Variants in FNBP1 observed in about 807,000 individuals in gnomAD.
FNBP1 encodes the protein formin-binding protein 1.
A neutral mutation model predicts 90.6 loss-of-function variants in FNBP1; 26 were observed. The ratio of observed to expected loss-of-function variants is 0.29; its 90% CI spans 0.21 to 0.40. The LOEUF (loss-of-function observed/expected upper bound fraction) is 0.40, where lower values mean the gene tolerates loss of function less well. Ranked by LOEUF, FNBP1 falls within the 10% of genes least tolerant of loss-of-function variation. The pLI, the probability that FNBP1 is intolerant of heterozygous loss-of-function variation, is 1.00. For missense variants in FNBP1, 635 were observed against 768.0 expected, an observed-to-expected ratio of 0.83 and a Z score of 2.05; for synonymous variants, 260 against 265.2, an observed-to-expected ratio of 0.98 and a Z score of 0.19.
chr9:129,922,545 G>A (rs1303145755), intron 10 of FNBP1, among the ~76,000 whole-genome samples: 33 of 152,148 alleles, frequency 2.2e-4, no homozygotes, highest in Admixed American at 2.2e-3. Context: ...GCTTCATAGG[G>A]TGGCTGGAAA....
chr9:129,949,695 C>A (rs2045874178), intron 6 of FNBP1, among the ~76,000 whole-genome samples: 1 of 150,788 alleles, frequency 6.6e-6, no homozygotes, highest in Non-Finnish European at 1.5e-5. Context: ...ACCTCGATCA[C>A]CACAAAAAGT....
intron 6 of FNBP1, among the ~76,000 whole-genome samples, chr9:129,943,990 C>T (rs544561143): frequency 0.24 from 62 of 258 alleles, no homozygotes; most frequent in Non-Finnish European, 0.31. Context: ...GAGACTCCAT[C>T]TCAAAAAAAA....
At chr9:129,961,625 T>C (rs550314406) in intron 4 of FNBP1, among the ~76,000 whole-genome samples, 1 of 152,264 alleles carries the variant, frequency 6.6e-6, no homozygotes, top group South Asian at 2.1e-4. Context: ...TGGAGGACAG[T>C]GGCGTGATCT....
intron 1 of FNBP1, among the ~76,000 whole-genome samples, chr9:130,003,923 C>CAAAAAAAAAA (rs545865153): frequency 0.11 from 12,005 of 109,982 alleles, 1,284 homozygotes; most frequent in Middle Eastern, 0.19. Flanking sequence ...GACTCCGCCT[C>CAAAAAAAAAA]AAAAAAAAAA....
chr9:129,929,431 AAAAAT>A, intron 7 of FNBP1, 131 bp downstream of exon 7: 3 of 821,650 alleles, frequency 3.7e-6, no homozygotes, highest in Admixed American at 2.9e-5. Context: ...AAAAAAAAAA[AAAAAT>A]TAGTGGAAAT....
chr9:130,002,549 C>A (rs1319834631), intron 1 of FNBP1, among the ~76,000 whole-genome samples: 1 of 152,206 alleles, frequency 6.6e-6, no homozygotes, highest in Non-Finnish European at 1.5e-5. Flanking sequence ...GCCACGTGAC[C>A]TCTGCCATGC....
intron 4 of FNBP1, among the ~76,000 whole-genome samples, chr9:129,973,250 G>A (rs1489683603): frequency 1.3e-5 from 2 of 152,100 alleles, no homozygotes; most frequent in Non-Finnish European, 2.9e-5. Context: ...GTGGGAAGGC[G>A]ACTGAGTCTG....
intron 4 of FNBP1, among the ~76,000 whole-genome samples, chr9:129,978,110 T>A (rs2050632576): frequency 6.6e-6 from 1 of 151,964 alleles, no homozygotes; most frequent in Admixed American, 6.6e-5. Context: ...AACCTCCGCC[T>A]CCCAGGTTCA....
At chr9:130,016,076 C>A (rs1040190407) in intron 1 of FNBP1, among the ~76,000 whole-genome samples, 1 of 152,120 alleles carries the variant, frequency 6.6e-6, no homozygotes, top group African/African-American at 2.4e-5. Flanking sequence ...TTTGCATAAA[C>A]TTCTTATATA....
rs149342303 is a variant in FNBP1, at chr9:129,894,440, A to G, written c.1846+1398T>C. Among the ~76,000 whole-genome samples, 50 of 152,362 alleles carry G rather than the reference A, an allele frequency of 3.3e-4. No homozygotes were observed. The East Asian group carries it at 4.0e-3, about 12-fold the overall frequency. On this transcript the variant is annotated intron_variant, in intron 16 of 16. Transcript: ENST00000446176. Reference sequence around the variant, plus strand: ...TATAAAATGAGCCAGAAATTCTAAAATAATTTCCAGTAAATCCAAACCTTG... The same window carrying G: ...TATAAAATGAGCCAGAAATTCTAAAGTAATTTCCAGTAAATCCAAACCTTG...
rs1344506679 is a variant in FNBP1 at position 130,040,059 on chromosome 9, A to G, written c.24+2893T>C. Among the ~76,000 whole-genome samples the G allele has an allele frequency of 5.9e-5, 9 of 152,012 alleles. No individual in the cohort carries two copies. In the South Asian group the frequency reaches 1.7e-3, roughly 28 times the overall value. ...ATTCCAAAGCCACCATTCAAGGAAA[A>G]CCCTTAATCACTGCCCTCCGCTGGG... On this transcript the variant is annotated intron_variant, in intron 1 of 16. Coordinates refer to ENST00000446176, the MANE Select transcript of FNBP1 (RefSeq NM_015033.3).
chr9:130,004,493 C>A (rs1316574942), intron 1 of FNBP1, among the ~76,000 whole-genome samples: 8 of 152,116 alleles, frequency 5.3e-5, no homozygotes, highest in Non-Finnish European at 1.2e-4. Context: ...TCTGTGCTAT[C>A]TAGACTGCTA....
chr9:129,887,519 G>A lies in FNBP1; in HGVS notation c.*3020C>T, dbSNP rs917281525. 1.9e-4 allele frequency: 39 copies of A among 206,210 alleles called. No homozygotes were observed. The Admixed American group carries it at 2.2e-3, about 12-fold the overall frequency. 12.8% of individuals were successfully genotyped at this position (206,210 alleles called of 1,614,324 possible). On this transcript the variant is annotated 3_prime_UTR_variant, in exon 17 of 17. Coordinates refer to ENST00000446176, the MANE Select transcript of FNBP1 (RefSeq NM_015033.3). ...TTCTGGAAAAACACTTAGCATGAAC[G>A]TCACTTTTTGACGTCGTGTAAACTT...
At chr9:130,047,192 A>T (rs1030428140), upstream of FNBP1, among the ~76,000 whole-genome samples, 12 of 152,160 alleles carry the variant, frequency 7.9e-5, no homozygotes, top group Non-Finnish European at 4.4e-5. Flanking sequence ...AAAAAAAAAT[A>T]AAAATTAAAA....
At chr9:129,981,050 CAAAAAA>C (rs71385498) in intron 2 of FNBP1, among the ~76,000 whole-genome samples, 1 of 120,498 alleles carries the variant, frequency 8.3e-6, no homozygotes, top group Non-Finnish European at 1.7e-5. Flanking sequence ...GACTCCGTCT[CAAAAAA>C]AAAAAAAAAA....
At chr9:129,913,875 TTTTG>T (rs894234054) in intron 11 of FNBP1, among the ~76,000 whole-genome samples, 13 of 92,036 alleles carry the variant, frequency 1.4e-4, no homozygotes, top group Non-Finnish European at 2.6e-4. Flanking sequence ...GGGTTTTTTG[TTTTG>T]TTTTATAGTT....
intron 2 of FNBP1, among the ~76,000 whole-genome samples, chr9:129,985,089 C>T (rs1483086094): frequency 6.6e-6 from 1 of 151,984 alleles, no homozygotes. Context: ...CAGGCCCTTT[C>T]GCGACCCTGA....
At chr9:130,001,329 CA>C (rs904677150) in intron 1 of FNBP1, among the ~76,000 whole-genome samples, 98 of 2,048 alleles carry the variant, frequency 0.048, 1 homozygote, top group South Asian at 0.24. Flanking sequence ...CAAAACAAAA[CA>C]AAAAAAAACA....
rs1465322499 is a variant in FNBP1 at position 130,043,101 on chromosome 9, C to T, written c.-126G>A. On this transcript the variant is annotated 5_prime_UTR_variant, in exon 1 of 17. Coordinates refer to ENST00000446176, the MANE Select transcript of FNBP1 (RefSeq NM_015033.3). ...AAGCCCGGAGTCCGCGCGGCCTCCT[C>T]CGGCTCGCAGCTCCTCGCCCGGGGT... The T allele has an allele frequency of 4.7e-6, 4 of 844,078 alleles. No individual in the cohort carries two copies. The highest frequency in any genetic ancestry group is 8.8e-5 in the Admixed American group (2 of 22,736). The allele number at this position is 844,078 out of a possible 1,614,324, so 52.3% of individuals were successfully genotyped here.
Sources: gnomAD v4.1 joint callset for allele counts (sites outside exome capture counted in the v4.1 genomes callset) on GRCh38, gnomAD v4.1.1 for gene constraint, MANE v1.5 for transcripts, NCBI Gene and HGNC (gene_info 2026-07-23, HGNC 2026-07-21) for gene names.